DMRT1: variants seen among roughly 807,000 people sequenced by gnomAD.
DMRT1 encodes the protein doublesex- and mab-3-related transcription factor 1.
A neutral mutation model predicts 32.3 loss-of-function variants in DMRT1; 7 were observed. The observed-to-expected ratio is 0.22, with a 90% CI of 0.12 to 0.41. The LOEUF (loss-of-function observed/expected upper bound fraction) is 0.41. DMRT1 is among the 10% of genes least tolerant of loss of function. The pLI is 1.00. For synonymous variants in DMRT1, 278 were observed against 206.1 expected, an observed-to-expected ratio of 1.35 and a Z score of -2.99; for missense variants, 625 against 500.5, an observed-to-expected ratio of 1.25 and a Z score of -2.37.
At position 841,858 on chromosome 9, in the gene DMRT1, T is replaced by C. The variant is rs1838693861; in HGVS notation, c.20T>C (p.Phe7Ser). 1.2e-6 allele frequency: 2 copies of C among 1,612,706 alleles called. No homozygotes were observed. The highest frequency in any genetic ancestry group is 2.7e-5 in the African/African-American group (2 of 75,034). The change falls in exon 1 of 5, where the codon TTC becomes TCC. Residue 7 changes from phenylalanine (F) to serine (S), a missense_variant. Phe to Ser is a radical substitution (Grantham distance 155, BLOSUM62 -2). Transcript: ENST00000382276. MPNDEAFSKPSTPSEAP... is the reference protein window; with the variant it reads MPNDEASSKPSTPSEAP... Reference sequence around the variant, plus strand: ...GGCACCATGCCCAACGACGAGGCATTCAGCAAGCCCTCTACACCGTCGGAA... The same window carrying C: ...GGCACCATGCCCAACGACGAGGCATCCAGCAAGCCCTCTACACCGTCGGAA...
intron 2 of DMRT1, among the ~76,000 whole-genome samples, chr9:887,951 CAAATCT>C (rs1292075476): frequency 6.6e-6 from 1 of 152,144 alleles, no homozygotes; most frequent in African/African-American, 2.4e-5. Flanking sequence ...GTGAATGAAT[CAAATCT>C]AAATATAAAA....
chr9:841,728 C>T lies in DMRT1; in HGVS notation c.-111C>T. 6.5e-7 allele frequency: 1 copy of T among 1,544,074 alleles called. No individual in the cohort carries two copies. The highest frequency in any genetic ancestry group is 8.7e-7 in the Non-Finnish European group (1 of 1,145,694). Reference sequence around the variant, plus strand: ...GCTGCGCCTCCGGCTGCAGCGCACACGTCTCCTGCGCCTCCTCCTCCGGAG... The same window carrying T: ...GCTGCGCCTCCGGCTGCAGCGCACATGTCTCCTGCGCCTCCTCCTCCGGAG... On this transcript the variant is annotated 5_prime_UTR_variant, in exon 1 of 5. It adds an upstream start codon to the 5' untranslated region. Coordinates refer to ENST00000382276, the MANE Select transcript of DMRT1 (RefSeq NM_021951.3).
intron 2 of DMRT1, among the ~76,000 whole-genome samples, chr9:851,666 G>C (rs1262002987): frequency 6.6e-6 from 1 of 152,192 alleles, no homozygotes; most frequent in Non-Finnish European, 1.5e-5. Context: ...AGGACACTTA[G>C]AAGGAAATTA....
chr9:869,272 G>A (rs1816127455), intron 2 of DMRT1, among the ~76,000 whole-genome samples: 1 of 152,146 alleles, frequency 6.6e-6, no homozygotes, highest in East Asian at 1.9e-4. Flanking sequence ...TGGAGACCAT[G>A]CCAGATCTTA....
intron 3 of DMRT1, among the ~76,000 whole-genome samples, chr9:900,921 G>T (rs72699267): frequency 6.6e-6 from 1 of 152,078 alleles, no homozygotes; most frequent in Non-Finnish European, 1.5e-5. Context: ...TTAAACTTTT[G>T]GCTCAAGTGA....
rs187773660 is a variant in DMRT1, at chr9:902,152, C to T, written c.822+7957C>T. 3.5e-3 allele frequency among the ~76,000 whole-genome samples: 537 copies of T among 151,568 alleles called. 1 individual carries two copies. Among genetic ancestry groups the T allele is most frequent in the Non-Finnish European group, 5.0e-3 (339 of 67,976 alleles). On this transcript the variant is annotated intron_variant, in intron 3 of 4. Transcript: ENST00000382276. The stretch of plus-strand genomic sequence containing the variant: ...CTCAAACTCCTGACCTCAGGTGATC[C>T]GCCCCCCTCAGCCTCCCAAAGTGCT...
intron 3 of DMRT1, among the ~76,000 whole-genome samples, chr9:906,020 GACACACACACCCAC>G (rs1817761904): frequency 2.1e-5 from 1 of 48,100 alleles, no homozygotes. Context: ...ATGCTTCTGT[GACACACACACCCAC>G]ACACACACAC....
Position 865,111 on chromosome 9 carries a change from A to C in DMRT1, c.538+17968A>C, listed in dbSNP as rs559655717. On this transcript the variant is annotated intron_variant, in intron 2 of 4. Transcript: ENST00000382276. The stretch of plus-strand genomic sequence containing the variant: ...CTGTTTGCGTTGATGTGGAATGAGC[A>C]TTGTCATTATTCCTGCATGACGTTT... Among the ~76,000 whole-genome samples the C allele has an allele frequency of 3.9e-5, 6 of 152,318 alleles. No homozygotes were observed. The South Asian group carries it at 1.2e-3, about 32-fold the overall frequency.
intron 4 of DMRT1, among the ~76,000 whole-genome samples, chr9:927,248 G>C (rs1245659966): frequency 6.6e-6 from 1 of 152,212 alleles, no homozygotes; most frequent in Non-Finnish European, 1.5e-5. Context: ...ATTGCCTCCA[G>C]AGTTAGTGAG....
chr9:871,754 G>A (rs548687044), intron 2 of DMRT1, among the ~76,000 whole-genome samples: 3 of 151,346 alleles, frequency 2.0e-5, no homozygotes, highest in Middle Eastern at 6.8e-3. Context: ...GATTACAGGC[G>A]TGAGCAACCG....
chr9:861,044 TA>T (rs1205204898), intron 2 of DMRT1, among the ~76,000 whole-genome samples: 76 of 116,214 alleles, frequency 6.5e-4, no homozygotes, highest in African/African-American at 2.9e-3. Flanking sequence ...TGATCTAATT[TA>T]CTTTCTTTTT....
At chr9:854,512 A>G (rs868081129) in intron 2 of DMRT1, among the ~76,000 whole-genome samples, 1 of 152,002 alleles carries the variant, frequency 6.6e-6, no homozygotes, top group African/African-American at 2.4e-5. Flanking sequence ...TTATCTTTGG[A>G]GTTTTCTAAT....
chr9:915,881 C>T (rs569237392), intron 3 of DMRT1, among the ~76,000 whole-genome samples: 91 of 152,062 alleles, frequency 6.0e-4, no homozygotes, highest in African/African-American at 2.1e-3. Flanking sequence ...CACAGGTGCC[C>T]GCCACCACGT....
chr9:858,866 AAAAAATAT>A (rs1355637516), intron 2 of DMRT1, among the ~76,000 whole-genome samples: 1,344 of 23,076 alleles, frequency 0.058, 15 homozygotes, highest in African/African-American at 0.096. Context: ...AAAAAAAAAA[AAAAAATAT>A]ATATATATAT....
intron 3 of DMRT1, among the ~76,000 whole-genome samples, chr9:907,448 C>T (rs547156330): frequency 7.2e-5 from 11 of 152,324 alleles, no homozygotes; most frequent in African/African-American, 2.4e-4. Context: ...CCCAGCCAGA[C>T]ACTGGTCCAA....
Position 841,838 on chromosome 9 carries a change from C to T in DMRT1, c.-1C>T, listed in dbSNP as rs775540389. The T allele has an allele frequency of 1.1e-5, 17 of 1,609,990 alleles. No homozygotes were observed. The highest frequency in any genetic ancestry group is 2.2e-5 in the East Asian group (1 of 44,776). On this transcript the variant is annotated 5_prime_UTR_variant, in exon 1 of 5. Transcript: ENST00000382276. ...GTGCTCGCACTTCTCCTAGGGGCAC[C>T]ATGCCCAACGACGAGGCATTCAGCA...
chr9:925,501 C>G (rs1818492046), intron 4 of DMRT1, among the ~76,000 whole-genome samples: 1 of 152,166 alleles, frequency 6.6e-6, no homozygotes, highest in Non-Finnish European at 1.5e-5. Context: ...TCACACTTAA[C>G]AGAGAGGATG....
chr9:962,794 G>A (rs373377097), intron 4 of DMRT1, among the ~76,000 whole-genome samples: 1 of 152,126 alleles, frequency 6.6e-6, no homozygotes, highest in African/African-American at 2.4e-5. Flanking sequence ...CTCTGTAAGT[G>A]GGGGAGTAAG....
At chr9:860,732 G>C (rs1815621829) in intron 2 of DMRT1, among the ~76,000 whole-genome samples, 1 of 152,192 alleles carries the variant, frequency 6.6e-6, no homozygotes, top group South Asian at 2.1e-4. Flanking sequence ...TTTTAAATAG[G>C]GTGGTCAAAG....
Sources: gnomAD v4.1 joint callset for allele counts (sites outside exome capture counted in the v4.1 genomes callset) on GRCh38, gnomAD v4.1.1 for gene constraint, MANE v1.5 for transcripts, NCBI Gene and HGNC (gene_info 2026-07-23, HGNC 2026-07-21) for gene names.